The following DLGAP5 variants were observed in gnomAD, a reference collection of about 807,000 sequenced individuals.
DLGAP5 encodes disks large-associated protein 5.
A neutral mutation model predicts 99.6 loss-of-function variants in DLGAP5; 90 were observed. The ratio of observed to expected loss-of-function variants is 0.90; its 90% CI spans 0.76 to 1.08. The LOEUF is 1.08. Ranked by LOEUF, DLGAP5 falls within the 50% of genes least tolerant of loss-of-function variation. The pLI is 0.00. For missense variants in DLGAP5, 1,036 were observed against 983.5 expected (o/e 1.05, Z -0.71); for synonymous variants, 311 against 321.3 (o/e 0.97, Z 0.34).
intron 14 of DLGAP5, 149 bp downstream of exon 14, chr14:55,158,373 T>C (rs1297444004): frequency 1.2e-5 from 8 of 649,616 alleles, no homozygotes; most frequent in Non-Finnish European, 1.6e-5. Flanking sequence ...TGAGCGAGCA[T>C]AGTCTATTTT....
chr14:55,177,339 A>G lies in DLGAP5; in HGVS notation c.775-3T>C. The G allele has an allele frequency of 1.3e-6, 2 of 1,581,792 alleles. No homozygotes were observed. The highest frequency in any genetic ancestry group is 1.7e-6 in the Non-Finnish European group (2 of 1,167,688). On this transcript the variant is annotated splice_region_variant and splice_polypyrimidine_tract_variant and intron_variant, in intron 7 of 18. Coordinates refer to ENST00000247191, the MANE Select transcript of DLGAP5 (RefSeq NM_014750.5). ...CTATCGACTTTACAAGAAATACCCT[A>G]GGATGTGAGTTAACAAAGTAGAGTA... is the stretch of plus-strand genomic sequence containing the variant.
intron 13 of DLGAP5, among the ~76,000 whole-genome samples, chr14:55,161,408 A>ATTTT (rs551424574): frequency 3.5e-5 from 4 of 115,920 alleles, no homozygotes; most frequent in African/African-American, 1.4e-4. Context: ...TAAAAAAAAA[A>ATTTT]TTTTTTTTTT....
At chr14:55,149,197 G>T (rs767023701) in intron 18 of DLGAP5, among the ~76,000 whole-genome samples, 1 of 152,098 alleles carries the variant, frequency 6.6e-6, no homozygotes, top group Non-Finnish European at 1.5e-5. Context: ...AAAATATTAC[G>T]ATTTGGTAAT....
chr14:55,187,255 G>A (rs927057071), intron 2 of DLGAP5, among the ~76,000 whole-genome samples: 4 of 151,098 alleles, frequency 2.6e-5, no homozygotes, highest in African/African-American at 9.8e-5. Context: ...TCTACTTACT[G>A]CTCTCCCTGA....
In DLGAP5 at chr14:55,188,720, G is replaced by A. The variant is rs566262584; in HGVS notation, c.238+222C>T. On this transcript the variant is annotated intron_variant, in intron 2 of 18. Transcript: ENST00000247191. The stretch of plus-strand genomic sequence containing the variant: ...TTGAGCCCAGGAATTTGAGGTTACA[G>A]TGAGCACACCACTGCACTCCCGCCT... Among the ~76,000 whole-genome samples, 347 of 146,266 alleles carry A rather than the reference G, an allele frequency of 2.4e-3. 1 individual carries two copies. The highest frequency in any genetic ancestry group is 4.4e-3 in the Admixed American group (63 of 14,324).
intron 11 of DLGAP5, 97 bp from the exon 12 acceptor site, chr14:55,169,656 G>A: frequency 9.2e-7 from 1 of 1,089,502 alleles, no homozygotes; most frequent in Non-Finnish European, 1.2e-6. Flanking sequence ...ACATCCTAGG[G>A]CCTACAGGTT....
chr14:55,175,366 G>A lies in DLGAP5; in HGVS notation c.1281C>T (p.His427=). ...CATACCTGAAATATGGCACACCATG[G>A]TGGGGCTGAGCAATTCGACCTTCAT... The part of the protein sequence containing the change: ...ERNEGRIAQP[H]HGVPYFRNIL... The change falls in exon 10 of 19, where the codon CAC becomes CAT. Residue 427 remains histidine, a synonymous_variant. Transcript: ENST00000247191. 1 of 1,610,242 alleles carries A rather than the reference G, an allele frequency of 6.2e-7. No homozygotes were observed.
Position 55,183,424 on chromosome 14 carries a change from A to G in DLGAP5, c.432+136T>C, listed in dbSNP as rs1411650414. ...AAGAGACCTGATTTTCATTCTTCTG[A>G]GCTACTATTATGTCATTCCCACCTT... is the stretch of plus-strand genomic sequence containing the variant. On this transcript the variant is annotated intron_variant, in intron 3 of 18. Transcript: ENST00000247191. 3 of 639,132 alleles carry G rather than the reference A, an allele frequency of 4.7e-6. No homozygotes were observed. In the African/African-American group the frequency reaches 5.7e-5, roughly 12 times the overall value. 39.6% of individuals were successfully genotyped at this position (639,132 alleles called of 1,614,324 possible). A position where few individuals can be genotyped will look rare whatever the true frequency, so the allele number is the denominator to read the frequency against.
At chr14:55,167,735 T>C (rs1276987910) in intron 12 of DLGAP5, among the ~76,000 whole-genome samples, 1 of 152,214 alleles carries the variant, frequency 6.6e-6, no homozygotes, top group African/African-American at 2.4e-5. Context: ...TGGTTCGGTA[T>C]AGAAATCCAG....
rs563440373 is a variant in DLGAP5, at chr14:55,152,496, C to A, written c.2121+94G>T. ...CTACATGACTGATTTAGATTTCCAA[C>A]GGAAATTCTGGGGATGCTTTACAAA... On this transcript the variant is annotated intron_variant, in intron 16 of 18. Transcript: ENST00000247191. 6 of 937,604 alleles carry A rather than the reference C, an allele frequency of 6.4e-6. No homozygotes were observed. In the African/African-American group the frequency reaches 1.0e-4, roughly 16 times the overall value. The allele number at this position is 937,604 out of a possible 1,614,324, so 58.1% of individuals were successfully genotyped here. A position where few individuals can be genotyped will look rare whatever the true frequency, so the allele number is the denominator to read the frequency against.
In DLGAP5 at chr14:55,152,794, G is replaced by C. The variant is rs1179947537; in HGVS notation, c.2064-147C>G. The C allele has an allele frequency of 1.0e-5, 6 of 598,808 alleles. No individual in the cohort carries two copies. The East Asian group carries it at 1.6e-4, about 16-fold the overall frequency. 37.1% of individuals were successfully genotyped at this position (598,808 alleles called of 1,614,324 possible). ...TGCAAGATCAGGCGTGATCCAGATA[G>C]ATTAGTTTTGGACTATAGCTACTGC... On this transcript the variant is annotated intron_variant, in intron 15 of 18. Coordinates refer to ENST00000247191, the MANE Select transcript of DLGAP5 (RefSeq NM_014750.5).
At chr14:55,171,792 G>C (rs1051171090) in intron 10 of DLGAP5, among the ~76,000 whole-genome samples, 1 of 152,172 alleles carries the variant, frequency 6.6e-6, no homozygotes, top group African/African-American at 2.4e-5. Flanking sequence ...CCTTAAAAAG[G>C]AAAGTCTGAC....
At chr14:55,169,257 C>G (rs1882762063) in intron 12 of DLGAP5, 142 bp downstream of exon 12, 1 of 374,062 alleles carries the variant, frequency 2.7e-6, no homozygotes, top group East Asian at 4.8e-5. Flanking sequence ...TCATGTTTTA[C>G]AGTTTATCAA....
chr14:55,150,637 T>A (rs1057020277), intron 18 of DLGAP5, 162 bp downstream of exon 18: 1 of 518,994 alleles, frequency 1.9e-6, no homozygotes, highest in Admixed American at 4.2e-5. Flanking sequence ...TTTTAAAGTA[T>A]ATAAACACCA....
At chr14:55,149,711 A>T (rs935360358) in intron 18 of DLGAP5, among the ~76,000 whole-genome samples, 1 of 152,022 alleles carries the variant, frequency 6.6e-6, no homozygotes, top group Non-Finnish European at 1.5e-5. Context: ...GAATCACTTG[A>T]TGAAGAAAAA....
chr14:55,180,823 T>C, intron 5 of DLGAP5, 45 bp from the exon 6 acceptor site: 1 of 1,606,816 alleles, frequency 6.2e-7, no homozygotes, highest in Non-Finnish European at 8.5e-7. Flanking sequence ...CTTGTAGTTA[T>C]GAAATTATTG....
Position 55,177,327 on chromosome 14 carries a change from A to G in DLGAP5, c.784T>C (p.Cys262Arg), listed in dbSNP as rs1248959485. 1.3e-6 allele frequency: 2 copies of G among 1,597,212 alleles called. No individual in the cohort carries two copies. Among genetic ancestry groups the G allele is most frequent in the African/African-American group, 2.7e-5 (2 of 74,102 alleles). ...VETKPDKGIS[C>R]KVDSEENTLN... ...GTATTTTCTTCACTATCGACTTTAC[A>G]AGAAATACCCTAGGATGTGAGTTAA... Residue 262 changes from cysteine (C) to arginine (R), a missense_variant, in exon 8 of 19, where the codon TGT becomes CGT. Transcript: ENST00000247191.
rs572830369 is a variant in DLGAP5, at chr14:55,166,525, T to C, written c.1548+2874A>G. ...CGGGTGGATCACTTGAGGTCAGGAG[T>C]TTAAGACCAGCCTGACCAACATGGT... On this transcript the variant is annotated intron_variant, in intron 12 of 18. Transcript: ENST00000247191. Among the ~76,000 whole-genome samples, 9 of 151,342 alleles carry C rather than the reference T, an allele frequency of 5.9e-5. No homozygotes were observed. In the South Asian group the frequency reaches 1.9e-3, roughly 32 times the overall value.
chr14:55,185,155 C>A (rs930788132), intron 2 of DLGAP5, among the ~76,000 whole-genome samples: 13 of 152,154 alleles, frequency 8.5e-5, no homozygotes, highest in African/African-American at 2.9e-4. Flanking sequence ...CCATTTAAGG[C>A]AAAATTCTTC....
Sources: allele counts gnomAD v4.1 joint callset (sites outside exome capture counted in the v4.1 genomes callset), GRCh38; gene constraint gnomAD v4.1.1; transcripts MANE v1.5; gene names NCBI Gene and HGNC (gene_info 2026-07-23, HGNC 2026-07-21).